Variants in STK26 observed in about 807,000 individuals in gnomAD.
STK26 encodes the protein serine/threonine-protein kinase 26.
Under a neutral mutation model 34.7 loss-of-function variants are expected in STK26, and 14 were observed. That is an observed-to-expected ratio of 0.40 (90% CI 0.27 to 0.63). The LOEUF (loss-of-function observed/expected upper bound fraction) is 0.63, where lower values mean the gene tolerates loss of function less well. Among genes scored for constraint, STK26 ranks in the 30% least tolerant of loss-of-function variants. The pLI is 0.38. For missense variants in STK26, 226 were observed against 309.1 expected (o/e 0.73, Z 2.02); for synonymous variants, 100 against 109.8 (o/e 0.91, Z 0.56).
chrX:132,070,252 G>A (rs183643010), intron 7 of STK26, among the ~76,000 whole-genome samples: 2 of 110,378 alleles, frequency 1.8e-5, no homozygotes, highest in Non-Finnish European at 3.8e-5. Context: ...GGCTTGTCTC[G>A]AACTCCTGAC....
At chrX:132,064,786 T>C (rs1049875599) in intron 4 of STK26, among the ~76,000 whole-genome samples, 3 of 112,025 alleles carry the variant, frequency 2.7e-5, no homozygotes, top group Admixed American at 9.5e-5. Flanking sequence ...ATGCTGTTTC[T>C]AAGAAAGTGT....
intron 2 of STK26, among the ~76,000 whole-genome samples, chrX:132,026,500 T>TA (rs202122140): frequency 6.3e-5 from 7 of 110,274 alleles, no homozygotes; most frequent in Admixed American, 1.9e-4. Flanking sequence ...AAGTACAACT[T>TA]AAAAAAAAAC....
chrX:132,073,293 A>C lies in STK26; in HGVS notation c.1226+200A>C, dbSNP rs182017284. Among the ~76,000 whole-genome samples the C allele has an allele frequency of 2.2e-3, 246 of 112,368 alleles. 1 individual carries two copies. Among genetic ancestry groups the C allele is most frequent in the African/African-American group, 7.6e-3 (234 of 30,977 alleles). ...GCTTTTAGAATGATTATCTTTAGGC[A>C]TGACAAGGTAGTTTTCCACTGCATG... On this transcript the variant is annotated intron_variant, in intron 11 of 11. Coordinates refer to ENST00000394334, the MANE Select transcript of STK26 (RefSeq NM_016542.4).
chrX:132,044,020 C>T (rs1271297711), intron 2 of STK26, among the ~76,000 whole-genome samples: 1 of 111,607 alleles, frequency 9.0e-6, no homozygotes, highest in African/African-American at 3.3e-5. Flanking sequence ...TGTTAACATC[C>T]GTCAGTTTAC....
At chrX:132,025,451 T>A (rs904961772) in intron 2 of STK26, among the ~76,000 whole-genome samples, 8 of 111,902 alleles carry the variant, frequency 7.1e-5, no homozygotes, top group Non-Finnish European at 1.5e-4. Context: ...GTATTTCTGA[T>A]TGCTCCCTGC....
At chrX:132,046,423 T>A (rs1926499819) in intron 2 of STK26, among the ~76,000 whole-genome samples, 1 of 112,091 alleles carries the variant, frequency 8.9e-6, no homozygotes, top group African/African-American at 3.2e-5. Context: ...TATGTCAAAA[T>A]CTTTTGTAAT....
chrX:132,028,971 A>T (rs942933836), intron 2 of STK26, among the ~76,000 whole-genome samples: 5 of 112,454 alleles, frequency 4.4e-5, no homozygotes, highest in African/African-American at 1.6e-4. Context: ...TGAGTAGTTA[A>T]TGCAGAGGTG....
rs770293243 is a variant in STK26 at position 132,072,833 on chromosome X, C to T, written c.1047C>T (p.Thr349=). ...QNGAEQDLVQ[T]LSCLSMIITP... ...CAAAGGAGCAAGATCTTGTGCAAAC[C>T]CTGAGTTGTTTGTCTATGATAATCA... Residue 349 remains threonine, a synonymous_variant, in exon 10 of 12, where the codon ACC becomes ACT. Transcript: ENST00000394334. The T allele has an allele frequency of 8.3e-7, 1 of 1,209,929 alleles. No individual in the cohort carries two copies. The highest frequency in any genetic ancestry group is 1.8e-5 in the South Asian group (1 of 56,867).
At position 132,055,593 on chromosome X, in the gene STK26, A is replaced by G. The variant is rs781199501; in HGVS notation, c.273+732A>G. The stretch of plus-strand genomic sequence containing the variant: ...ATTCGTGTCTGTTGAAATGTGAATA[A>G]TAAATAGTTGAAGAAAAGCCCCCAT... On this transcript the variant is annotated intron_variant, in intron 3 of 11. Coordinates refer to ENST00000394334, the MANE Select transcript of STK26 (RefSeq NM_016542.4). 393 of 871,868 alleles carry G rather than the reference A, an allele frequency of 4.5e-4. 1 individual carries two copies. In the South Asian group the frequency reaches 9.0e-3, roughly 20 times the overall value. 71.9% of individuals were successfully genotyped at this position (871,868 alleles called of 1,213,427 possible).
At chrX:132,030,153 T>C (rs1365454276) in intron 2 of STK26, among the ~76,000 whole-genome samples, 1 of 112,184 alleles carries the variant, frequency 8.9e-6, no homozygotes, top group Non-Finnish European at 1.9e-5. Context: ...TTATGTATAA[T>C]ATGTCTAGCA....
chrX:132,067,427 A>T (rs1051955471), intron 4 of STK26, among the ~76,000 whole-genome samples: 13 of 111,388 alleles, frequency 1.2e-4, no homozygotes, highest in African/African-American at 4.2e-4. Context: ...TTTGTGCTTT[A>T]TGAGGTACCA....
At chrX:132,062,524 C>A (rs1927087813) in intron 3 of STK26, among the ~76,000 whole-genome samples, 1 of 111,802 alleles carries the variant, frequency 8.9e-6, no homozygotes. Context: ...CCATTTACAT[C>A]AGAGGTAAAA....
intron 3 of STK26, among the ~76,000 whole-genome samples, chrX:132,061,688 C>T (rs1432174320): frequency 2.7e-5 from 3 of 111,940 alleles, no homozygotes; most frequent in African/African-American, 9.8e-5. Flanking sequence ...TAGGCCACAT[C>T]CCATTCCCCA....
chrX:132,036,379 G>A (rs1167984452), intron 2 of STK26, among the ~76,000 whole-genome samples: 2 of 112,213 alleles, frequency 1.8e-5, no homozygotes, highest in Non-Finnish European at 3.8e-5. Context: ...TGGATCACTT[G>A]AGGTCAGGAG....
rs750059973 is a variant in STK26, at chrX:132,027,962, C to T, written c.42+4303C>T. 2.8e-5 allele frequency among the ~76,000 whole-genome samples: 3 copies of T among 108,708 alleles called. No homozygotes were observed. In the Admixed American group the frequency reaches 3.0e-4, roughly 11 times the overall value. 94.4% of individuals were successfully genotyped at this position (108,708 alleles called of 115,157 possible). ...CCGCCACTTCCTGGGTTCAAGCAATCCACCCATCTCAGCCTCCAGAGCAGC... is the reference window on the plus strand; with the variant it reads ...CCGCCACTTCCTGGGTTCAAGCAATTCACCCATCTCAGCCTCCAGAGCAGC... On this transcript the variant is annotated intron_variant, in intron 2 of 11. Transcript: ENST00000394334.
Position 132,044,284 on chromosome X carries a change from ATG to A in STK26, c.43-10342_43-10341del, listed in dbSNP as rs201336369. Among the ~76,000 whole-genome samples the A allele has an allele frequency of 7.3e-3, 818 of 111,337 alleles. 6 individuals carry two copies. Among genetic ancestry groups the A allele is most frequent in the Middle Eastern group, 0.014 (3 of 217 alleles). Reference sequence around the variant, plus strand: ...TGAAAGAGAATGCAAACATAGTAAAATGTGTGCTCTAATGGAGGCACAAGTAA... The same window carrying A: ...TGAAAGAGAATGCAAACATAGTAAAATGTGCTCTAATGGAGGCACAAGTAA... On this transcript the variant is annotated intron_variant, in intron 2 of 11. Transcript: ENST00000394334.
chrX:132,069,654 T>A lies in STK26; in HGVS notation c.774T>A (p.Asp258Glu). ...KEFIDACLNK[D>E]PSFRPTAKEL... ...TTATTGATGCTTGCCTGAACAAAGA[T>A]CCATCATTTGTGAGTATATATTGCT... The change falls in exon 7 of 12, where the codon GAT becomes GAA. Residue 258 changes from aspartate to glutamate, a missense_variant. Asp to Glu is a conservative substitution (Grantham distance 45, BLOSUM62 2). This residue lies in a region of STK26 where 126 missense variants were observed against 132.4 expected (regional missense o/e 0.95). Coordinates refer to ENST00000394334, the MANE Select transcript of STK26 (RefSeq NM_016542.4). The A allele has an allele frequency of 8.9e-7, 1 of 1,119,694 alleles. No individual in the cohort carries two copies. Among genetic ancestry groups the A allele is most frequent in the Non-Finnish European group, 1.2e-6 (1 of 848,341 alleles). The allele number at this position is 1,119,694 out of a possible 1,213,427, so 92.3% of individuals were successfully genotyped here. A position where few individuals can be genotyped will look rare whatever the true frequency, so the allele number is the denominator to read the frequency against.
chrX:132,036,205 A>C (rs1350417596), intron 2 of STK26, among the ~76,000 whole-genome samples: 2 of 112,530 alleles, frequency 1.8e-5, no homozygotes, highest in Non-Finnish European at 3.8e-5. Context: ...TTCAATTTCT[A>C]AAATGAACAC....
chrX:132,027,444 C>G (rs183111724), intron 2 of STK26, among the ~76,000 whole-genome samples: 2 of 111,983 alleles, frequency 1.8e-5, no homozygotes, highest in East Asian at 5.6e-4. Context: ...AATGCCTTTT[C>G]AAGTTACAAT....
Sources: allele counts gnomAD v4.1 joint callset (sites outside exome capture counted in the v4.1 genomes callset), GRCh38; gene constraint gnomAD v4.1.1; regional missense constraint gnomAD v4.1.1; transcripts MANE v1.5; gene names NCBI Gene and HGNC (gene_info 2026-07-23, HGNC 2026-07-21).